The following PLEKHM3 variants were observed in gnomAD, a reference collection of about 807,000 sequenced individuals.
PLEKHM3 encodes the protein pleckstrin homology domain-containing family M member 3.
PLEKHM3 carries 45 observed loss-of-function variants against 81.8 expected under a neutral mutation model. That is an observed-to-expected ratio of 0.55 (90% CI 0.43 to 0.71). The LOEUF (loss-of-function observed/expected upper bound fraction) is 0.71, where lower values mean the gene tolerates loss of function less well. PLEKHM3 is among the 30% of genes least tolerant of loss of function. The probability of loss-of-function intolerance (pLI) is 0.00; values close to 1 mark genes in which losing one functional copy is unlikely to be tolerated. For missense variants in PLEKHM3, 788 were observed against 924.3 expected (o/e 0.85, Z 1.91); for synonymous variants, 352 against 356.4 (o/e 0.99, Z 0.14).
At chr2:207,834,515 T>C (rs2092307208) in intron 7 of PLEKHM3, among the ~76,000 whole-genome samples, 1 of 149,544 alleles carries the variant, frequency 6.7e-6, no homozygotes, top group Non-Finnish European at 1.5e-5. Flanking sequence ...AACCTCCACC[T>C]CCTGGGTTCA....
At chr2:207,975,402 G>T (rs1471526754) in intron 3 of PLEKHM3, among the ~76,000 whole-genome samples, 1 of 152,066 alleles carries the variant, frequency 6.6e-6, no homozygotes, top group African/African-American at 2.4e-5. Context: ...GCTTCTTGAT[G>T]ATTTTTAAAC....
chr2:207,907,293 G>C (rs1417250548), intron 6 of PLEKHM3, among the ~76,000 whole-genome samples: 4 of 152,134 alleles, frequency 2.6e-5, no homozygotes, highest in African/African-American at 9.7e-5. Flanking sequence ...CTTGAGGTCA[G>C]GAGTTCGAGA....
chr2:207,907,230 G>A (rs965225716), intron 6 of PLEKHM3, among the ~76,000 whole-genome samples: 6 of 152,122 alleles, frequency 3.9e-5, no homozygotes, highest in Admixed American at 2.6e-4. Flanking sequence ...GGCCAGGCGT[G>A]GTAGCTCACG....
intron 2 of PLEKHM3, among the ~76,000 whole-genome samples, chr2:207,993,823 C>T (rs939119823): frequency 6.6e-6 from 1 of 152,136 alleles, no homozygotes; most frequent in Non-Finnish European, 1.5e-5. Flanking sequence ...GTAGCTAATG[C>T]AAAGGATTTC....
chr2:207,879,127 C>A (rs1229016059), intron 6 of PLEKHM3, among the ~76,000 whole-genome samples: 1 of 152,114 alleles, frequency 6.6e-6, no homozygotes, highest in East Asian at 1.9e-4. Context: ...GTAACTTCCC[C>A]AAATGAGTAT....
rs757054406 is a variant in PLEKHM3, at chr2:207,976,785, T to C, written c.1412A>G (p.Asn471Ser). Residue 471 changes from asparagine (N) to serine (S), a missense_variant, in exon 3 of 8, where the codon AAC becomes AGC. By Grantham distance (46) the Asn-to-Ser change is conservative. Coordinates refer to ENST00000427836, the MANE Select transcript of PLEKHM3 (RefSeq NM_001080475.3). The surrounding 1 kb of genome is among the most constrained non-coding windows in gnomAD (Gnocchi z 4.1). ...SEQNLQVTLR[N>S]KPKDQMGGHE... Reference sequence around the variant, plus strand: ...CCCACCCATTTGATCCTTGGGTTTGTTCCTCAGTGTGACTTGCAGGTTTTG... The same window carrying C: ...CCCACCCATTTGATCCTTGGGTTTGCTCCTCAGTGTGACTTGCAGGTTTTG... 11 of 1,614,130 alleles carry C rather than the reference T, an allele frequency of 6.8e-6. No individual in the cohort carries two copies. The highest frequency in any genetic ancestry group is 1.6e-4 in the Middle Eastern group (1 of 6,084).
At chr2:208,019,415 G>A (rs935816393) in intron 1 of PLEKHM3, among the ~76,000 whole-genome samples, 3 of 151,840 alleles carry the variant, frequency 2.0e-5, no homozygotes, top group African/African-American at 7.3e-5. Flanking sequence ...TATCAACACT[G>A]TCCCCTCCTT....
intron 6 of PLEKHM3, among the ~76,000 whole-genome samples, chr2:207,864,939 A>G (rs1216224304): frequency 6.6e-6 from 1 of 152,166 alleles, no homozygotes; most frequent in Non-Finnish European, 1.5e-5. Flanking sequence ...AAACTTTTGT[A>G]TATTTTTCTT....
At chr2:207,965,001 A>G (rs1321327905) in intron 3 of PLEKHM3, among the ~76,000 whole-genome samples, 1 of 152,300 alleles carries the variant, frequency 6.6e-6, no homozygotes, top group East Asian at 1.9e-4. Context: ...TACCTAGTGG[A>G]TATATTTTAA....
intron 3 of PLEKHM3, among the ~76,000 whole-genome samples, chr2:207,948,347 A>ATTTTT (rs1574433481): frequency 8.9e-6 from 1 of 111,962 alleles, no homozygotes; most frequent in Non-Finnish European, 1.8e-5. Context: ...AACTCCTCAG[A>ATTTTT]TCTTTTTTTT....
At chr2:207,987,184 C>T (rs892817437) in intron 2 of PLEKHM3, among the ~76,000 whole-genome samples, 3 of 152,102 alleles carry the variant, frequency 2.0e-5, no homozygotes, top group African/African-American at 7.2e-5. Flanking sequence ...TGGCTCTGGC[C>T]CAGGTGCTGC....
chr2:207,995,104 G>A (rs188065928), intron 2 of PLEKHM3, among the ~76,000 whole-genome samples: 56 of 152,286 alleles, frequency 3.7e-4, no homozygotes, highest in Admixed American at 1.5e-3. Context: ...GTTCACTTCA[G>A]CTGTTGGCAT....
intron 6 of PLEKHM3, among the ~76,000 whole-genome samples, chr2:207,864,478 G>A (rs752278439): frequency 5.3e-5 from 8 of 152,198 alleles, no homozygotes; most frequent in Non-Finnish European, 1.0e-4. Flanking sequence ...CAAACTTAAT[G>A]AGGCATTTAA....
In PLEKHM3 at chr2:207,943,621, C is replaced by A. The variant is rs142109269; in HGVS notation, c.1692+2746G>T. Among the ~76,000 whole-genome samples, 416 of 152,148 alleles carry A rather than the reference C, an allele frequency of 2.7e-3. 6 individuals carry two copies. Among genetic ancestry groups the A allele is most frequent in the African/African-American group, 9.5e-3 (395 of 41,494 alleles). Reference sequence around the variant, plus strand: ...CGGTGGCTCACGCCTGTAATCCCAGCACTTTGGGAGGCCGAGGCGGGCGGA... The same window carrying A: ...CGGTGGCTCACGCCTGTAATCCCAGAACTTTGGGAGGCCGAGGCGGGCGGA... On this transcript the variant is annotated intron_variant, in intron 4 of 7. Transcript: ENST00000427836.
chr2:207,990,726 G>A (rs1289519496), intron 2 of PLEKHM3, among the ~76,000 whole-genome samples: 1 of 152,110 alleles, frequency 6.6e-6, no homozygotes, highest in African/African-American at 2.4e-5. Context: ...TACAGTGTTG[G>A]CCAGTGGAGT....
chr2:207,863,171 A>G (rs2092476860), intron 6 of PLEKHM3, among the ~76,000 whole-genome samples: 1 of 152,234 alleles, frequency 6.6e-6, no homozygotes, highest in African/African-American at 2.4e-5. Flanking sequence ...CATAGGCAAG[A>G]CTTGCTTCGG....
At chr2:208,005,065 T>C (rs1317318626) in intron 1 of PLEKHM3, among the ~76,000 whole-genome samples, 2 of 151,984 alleles carry the variant, frequency 1.3e-5, no homozygotes, top group Admixed American at 6.6e-5. Context: ...ACTCTGGTGA[T>C]CCGCCCACCT....
At chr2:207,834,457 G>T (rs1288275864) in intron 7 of PLEKHM3, among the ~76,000 whole-genome samples, 1 of 125,152 alleles carries the variant, frequency 8.0e-6, no homozygotes, top group Admixed American at 8.8e-5. Flanking sequence ...TTGAGATGGA[G>T]TTTTGCTCTT....
chr2:207,858,332 C>T (rs373732040), intron 7 of PLEKHM3, among the ~76,000 whole-genome samples: 7 of 151,794 alleles, frequency 4.6e-5, no homozygotes, highest in Non-Finnish European at 1.0e-4. Context: ...TGCCACCACA[C>T]CTAACTAATC....
Sources: allele counts gnomAD v4.1 joint callset (sites outside exome capture counted in the v4.1 genomes callset), GRCh38; gene constraint gnomAD v4.1.1; non-coding constraint Gnocchi (gnomAD v3.1); transcripts MANE v1.5; gene names NCBI Gene and HGNC (gene_info 2026-07-23, HGNC 2026-07-21).